SAMTOR: variants seen among roughly 807,000 people sequenced by gnomAD.
SAMTOR encodes the protein S-adenosylmethionine sensor upstream of mTORC1.
the SAMTOR span, among the ~76,000 whole-genome samples, chr7:112,825,596 G>C: frequency 9.6e-4 from 146 of 152,202 alleles, no homozygotes; most frequent in East Asian, 0.025. Flanking sequence ...AGATTACACA[G>C]AAAAATCAAA....
chr7:112,882,456 C>T, the SAMTOR span, among the ~76,000 whole-genome samples: 4 of 152,006 alleles, frequency 2.6e-5, no homozygotes, highest in Non-Finnish European at 4.4e-5. Flanking sequence ...TTTGGGAGGC[C>T]GAGGCAGGAG....
the SAMTOR span, among the ~76,000 whole-genome samples, chr7:112,923,737 T>C: frequency 3.3e-4 from 50 of 151,952 alleles, no homozygotes; most frequent in Non-Finnish European, 5.9e-4. Flanking sequence ...TAAAGACACA[T>C]GCACACGTAT....
the SAMTOR span, among the ~76,000 whole-genome samples, chr7:112,902,053 A>G: frequency 2.0e-5 from 3 of 152,200 alleles, no homozygotes; most frequent in Non-Finnish European, 4.4e-5. Context: ...TACAAACTTT[A>G]TAATTCCAAC....
the SAMTOR span, among the ~76,000 whole-genome samples, chr7:112,846,145 CTTTT>C: frequency 3.9e-5 from 5 of 128,996 alleles, no homozygotes; most frequent in African/African-American, 9.0e-5. Flanking sequence ...ATCTGTACAA[CTTTT>C]TTTTTTTTTT....
chr7:112,939,640 G>A, the SAMTOR span: 4 of 1,613,890 alleles, frequency 2.5e-6, no homozygotes, highest in East Asian at 6.7e-5. Context: ...TCACCACACC[G>A]GAGAGCTTCT....
the SAMTOR span, among the ~76,000 whole-genome samples, chr7:112,923,640 C>T: frequency 1.3e-5 from 2 of 152,002 alleles, no homozygotes; most frequent in South Asian, 2.1e-4. Flanking sequence ...TGTGGTGATT[C>T]CTCAGGGATC....
At chr7:112,832,696 A>G in the SAMTOR span, 16 of 1,401,978 alleles carry the variant, frequency 1.1e-5, no homozygotes, top group Admixed American at 2.2e-4. Context: ...ATATTTTATA[A>G]GAACAAAATC....
chr7:112,853,923 T>A, the SAMTOR span, among the ~76,000 whole-genome samples: 1 of 152,144 alleles, frequency 6.6e-6, no homozygotes, highest in African/African-American at 2.4e-5. Context: ...ATTTCGTATC[T>A]TTTAGAGCAG....
At chr7:112,924,889 C>G in the SAMTOR span, among the ~76,000 whole-genome samples, 2 of 151,420 alleles carry the variant, frequency 1.3e-5, no homozygotes, top group South Asian at 4.2e-4. Flanking sequence ...TGAAAATGAC[C>G]TTCTGTGATA....
the SAMTOR span, among the ~76,000 whole-genome samples, chr7:112,876,548 C>T: frequency 2.0e-5 from 3 of 152,120 alleles, no homozygotes; most frequent in South Asian, 2.1e-4. Context: ...ATTACAACTC[C>T]GTAAAATCTC....
chr7:112,939,720 C>A, the SAMTOR span: 1 of 1,607,434 alleles, frequency 6.2e-7, no homozygotes, highest in East Asian at 2.2e-5. Context: ...TGCGCACGAG[C>A]AGTATTTCGG....
the SAMTOR span, among the ~76,000 whole-genome samples, chr7:112,885,498 G>C: frequency 2.6e-5 from 4 of 152,132 alleles, no homozygotes; most frequent in African/African-American, 4.8e-5. Context: ...AAGTTCCACA[G>C]ATCTCTGGGG....
chr7:112,872,930 T>TGTGCGTGTGTGCAC, the SAMTOR span, among the ~76,000 whole-genome samples: 7 of 151,850 alleles, frequency 4.6e-5, no homozygotes, highest in African/African-American at 1.7e-4. Flanking sequence ...ACAGTAGCTG[T>TGTGCGTGTGTGCAC]GTGCGTGTGT....
At chr7:112,825,856 T>C in the SAMTOR span, among the ~76,000 whole-genome samples, 3 of 151,618 alleles carry the variant, frequency 2.0e-5, no homozygotes, top group African/African-American at 7.2e-5. Flanking sequence ...ATTCTGAGTT[T>C]TTTTTTTTTT....
the SAMTOR span, among the ~76,000 whole-genome samples, chr7:112,904,848 G>A: frequency 3.9e-5 from 6 of 152,076 alleles, no homozygotes; most frequent in Non-Finnish European, 7.4e-5. Context: ...GATAACCCCT[G>A]TATTAATCAT....
the SAMTOR span, chr7:112,915,410 C>T: frequency 5.0e-6 from 8 of 1,613,004 alleles, no homozygotes; most frequent in Admixed American, 8.4e-5. Flanking sequence ...TTTCTTCATC[C>T]TCACAGTGTT....
At chr7:112,830,544 T>TAG in the SAMTOR span, among the ~76,000 whole-genome samples, 2 of 152,158 alleles carry the variant, frequency 1.3e-5, no homozygotes, top group African/African-American at 4.8e-5. Context: ...CTGAAGAACA[T>TAG]CTCTCATGTA....
chr7:112,868,854 G>C, the SAMTOR span, among the ~76,000 whole-genome samples: 1 of 152,296 alleles, frequency 6.6e-6, no homozygotes, highest in Middle Eastern at 3.4e-3. Flanking sequence ...TGCTGAAGCT[G>C]GTATTTCTCC....
chr7:112,884,385 T>C, the SAMTOR span, among the ~76,000 whole-genome samples: 7 of 152,194 alleles, frequency 4.6e-5, no homozygotes, highest in African/African-American at 1.7e-4. Flanking sequence ...AGGTCTCATC[T>C]GAGACAAGGC....
Sources: allele counts gnomAD v4.1 joint callset (sites outside exome capture counted in the v4.1 genomes callset), GRCh38; gene constraint gnomAD v4.1.1; transcripts MANE v1.5; gene names NCBI Gene and HGNC (gene_info 2026-07-23, HGNC 2026-07-21).